CDH18: variants seen among roughly 807,000 people sequenced by gnomAD.
CDH18 encodes the protein cadherin 18, also known as cadherin-18.
CDH18 carries 31 observed loss-of-function variants against 67.9 expected under a neutral mutation model. The observed-to-expected ratio is 0.46, with a 90% confidence interval of 0.34 to 0.62. The LOEUF (loss-of-function observed/expected upper bound fraction) is 0.62. Among genes scored for constraint, CDH18 ranks in the 20% least tolerant of loss-of-function variants. The pLI is 0.01. For missense variants in CDH18, 890 were observed against 975.5 expected (o/e 0.91, Z 1.17); for synonymous variants, 362 against 347.2 (o/e 1.04, Z -0.48).
intron 1 of CDH18, among the ~76,000 whole-genome samples, chr5:20,562,299 T>C (rs905585154): frequency 1.3e-5 from 2 of 151,790 alleles, no homozygotes; most frequent in Non-Finnish European, 2.9e-5. Context: ...AAATATGAGT[T>C]TGGTACTATA....
At chr5:20,145,172 A>G (rs775780612) in intron 2 of CDH18, among the ~76,000 whole-genome samples, 2 of 152,152 alleles carry the variant, frequency 1.3e-5, no homozygotes, top group Non-Finnish European at 2.9e-5. Context: ...AAAAAATACT[A>G]AAATTTATAC....
intron 1 of CDH18, among the ~76,000 whole-genome samples, chr5:20,501,615 T>C (rs1217834171): frequency 8.8e-6 from 1 of 113,934 alleles, no homozygotes; most frequent in African/African-American, 3.4e-5. Context: ...TATATATATA[T>C]GGAGATGGAG....
chr5:20,025,840 CT>C (rs1182355295), intron 2 of CDH18, among the ~76,000 whole-genome samples: 1 of 152,186 alleles, frequency 6.6e-6, no homozygotes, highest in East Asian at 1.9e-4. Context: ...CCAGCAAATT[CT>C]TTTTATATCA....
At chr5:20,268,087 A>G (rs983152234) in intron 1 of CDH18, among the ~76,000 whole-genome samples, 3 of 152,218 alleles carry the variant, frequency 2.0e-5, no homozygotes, top group African/African-American at 7.2e-5. Flanking sequence ...GCTTAGGATA[A>G]TTGCCTCCAG....
chr5:20,112,682 C>A (rs1219927340), intron 2 of CDH18, among the ~76,000 whole-genome samples: 1 of 151,924 alleles, frequency 6.6e-6, no homozygotes, highest in Admixed American at 6.6e-5. Context: ...CCACTGCACT[C>A]CAGCCTGGCG....
intron 2 of CDH18, among the ~76,000 whole-genome samples, chr5:20,190,640 A>C (rs775893773): frequency 4.6e-5 from 7 of 152,090 alleles, no homozygotes; most frequent in Non-Finnish European, 1.0e-4. Flanking sequence ...GGTTTCCCAA[A>C]GCTATTGTTC....
chr5:19,588,806 A>G (rs1744640098), intron 7 of CDH18, among the ~76,000 whole-genome samples: 1 of 152,026 alleles, frequency 6.6e-6, no homozygotes, highest in Admixed American at 6.6e-5. Flanking sequence ...ACAAAAAAAG[A>G]GCATTACATA....
chr5:20,358,954 C>T (rs1440496300), intron 1 of CDH18, among the ~76,000 whole-genome samples: 50 of 122,914 alleles, frequency 4.1e-4, no homozygotes, highest in African/African-American at 1.4e-3. Flanking sequence ...TTTTTTGAGA[C>T]GGAGTTTCAC....
chr5:20,397,912 TAC>T lies in CDH18; in HGVS notation c.-579-142409_-579-142408del, dbSNP rs997462605. On this transcript the variant is annotated intron_variant, in intron 1 of 14. Coordinates refer to the CDH18 transcript ENST00000507958. ...TGAAATGTAATCTTAGCAAAAAAAT[TAC>T]AGTTGTGTTTAACAGAAAATTACAT... Among the ~76,000 whole-genome samples, 19 of 152,282 alleles carry T rather than the reference TAC, an allele frequency of 1.2e-4. No homozygotes were observed. In the East Asian group the frequency reaches 3.5e-3, roughly 28 times the overall value.
chr5:19,559,429 GA>G (rs144005710), intron 8 of CDH18, among the ~76,000 whole-genome samples: 6,674 of 152,072 alleles, frequency 0.044, 171 homozygotes, highest in East Asian at 0.058. Context: ...AAAATCACAT[GA>G]TTATCTCAAT....
At chr5:20,561,831 A>G (rs1039709333) in intron 1 of CDH18, among the ~76,000 whole-genome samples, 1 of 151,988 alleles carries the variant, frequency 6.6e-6, no homozygotes, top group African/African-American at 2.4e-5. Flanking sequence ...ATTAGATATG[A>G]AACTGATTTT....
chr5:20,572,644 ACACTT>A (rs1192659953), intron 1 of CDH18, among the ~76,000 whole-genome samples: 2 of 152,124 alleles, frequency 1.3e-5, no homozygotes, highest in African/African-American at 2.4e-5. Context: ...AATAGGGAAA[ACACTT>A]CAAGAAAGCT....
intron 1 of CDH18, among the ~76,000 whole-genome samples, chr5:20,296,076 A>C (rs1385055507): frequency 6.7e-6 from 1 of 149,808 alleles, no homozygotes; most frequent in South Asian, 2.1e-4. Flanking sequence ...GGGTTTCGCC[A>C]CGTTGGCCAG....
chr5:20,103,772 A>G (rs1746683604), intron 2 of CDH18, among the ~76,000 whole-genome samples: 1 of 147,970 alleles, frequency 6.8e-6, no homozygotes, highest in Non-Finnish European at 1.5e-5. Flanking sequence ...ATAATTTAAT[A>G]TAGAATTTAT....
chr5:19,953,219 T>A (rs1795966087), intron 2 of CDH18, among the ~76,000 whole-genome samples: 1 of 152,088 alleles, frequency 6.6e-6, no homozygotes, highest in Non-Finnish European at 1.5e-5. Context: ...CAAATATTTA[T>A]AAATTATTTA....
chr5:20,505,407 A>G (rs920658691), intron 1 of CDH18, among the ~76,000 whole-genome samples: 12 of 152,162 alleles, frequency 7.9e-5, no homozygotes, highest in African/African-American at 2.9e-4. Flanking sequence ...TGATAAAGCA[A>G]TCTAACTTTT....
At chr5:20,247,781 C>T (rs1486161801) in intron 2 of CDH18, among the ~76,000 whole-genome samples, 1 of 149,864 alleles carries the variant, frequency 6.7e-6, no homozygotes, top group African/African-American at 2.4e-5. Flanking sequence ...AAAAGATATA[C>T]TTTTAGGAAA....
intron 1 of CDH18, among the ~76,000 whole-genome samples, chr5:20,513,171 G>A (rs1201626019): frequency 1.3e-5 from 2 of 152,042 alleles, no homozygotes; most frequent in Non-Finnish European, 2.9e-5. Flanking sequence ...TCCTTTTTCA[G>A]TTATAATAAA....
intron 2 of CDH18, among the ~76,000 whole-genome samples, chr5:20,078,109 C>T (rs887884278): frequency 1.3e-5 from 2 of 152,132 alleles, no homozygotes; most frequent in East Asian, 3.9e-4. Flanking sequence ...AAGAAGGCAA[C>T]AGTCAGATTT....
Sources: gnomAD v4.1 joint callset for allele counts (sites outside exome capture counted in the v4.1 genomes callset) on GRCh38, gnomAD v4.1.1 for gene constraint, MANE v1.5 for transcripts, NCBI Gene and HGNC (gene_info 2026-07-23, HGNC 2026-07-21) for gene names.